Variants in ATP5F1B observed in about 807,000 individuals in gnomAD.
The protein encoded by ATP5F1B is ATP synthase F1 subunit beta, also known as ATP synthase F(1) complex subunit beta, mitochondrial.
Under a neutral mutation model 45.9 loss-of-function variants are expected in ATP5F1B, and 17 were observed. The observed-to-expected ratio is 0.37, with a 90% CI of 0.25 to 0.56. The LOEUF is 0.56. Among genes scored for constraint, ATP5F1B ranks in the 20% least tolerant of loss-of-function variants. ATP5F1B has a pLI of 0.80. For synonymous variants in ATP5F1B, 218 were observed against 256.5 expected (o/e 0.85, Z 1.43); for missense variants, 387 against 673.2 (o/e 0.57, Z 4.70).
At chr12:56,644,385 GGA>G (rs887909605) in intron 3 of ATP5F1B, among the ~76,000 whole-genome samples, 6 of 119,890 alleles carry the variant, frequency 5.0e-5, no homozygotes, top group Non-Finnish European at 6.8e-5. Context: ...AGGTGGGGGG[GGA>G]ATCACCCAAA....
rs1246413845 is a variant in ATP5F1B at position 56,639,216 on chromosome 12, AT to A, written c.1378del (p.Ile460TyrfsTer25). The A allele has an allele frequency of 1.2e-6, 2 of 1,614,140 alleles. No individual in the cohort carries two copies. The highest frequency in any genetic ancestry group is 1.7e-6 in the Non-Finnish European group (2 of 1,180,040). ...GAATGGCTGAGACAAGAAACGCTGT[AT>A]TTTCCGTGCACGGGACACGGTCAAC... ...DKLTVSRARK[I>X]QRFLSQPFQV... On this transcript the variant is annotated frameshift_variant, in exon 9 of 10. Coordinates refer to ENST00000262030, the MANE Select transcript of ATP5F1B (RefSeq NM_001686.4). LOFTEE classifies it high-confidence loss of function.
chr12:56,639,729 C>T (rs569105057), intron 8 of ATP5F1B, among the ~76,000 whole-genome samples: 17 of 151,114 alleles, frequency 1.1e-4, no homozygotes, highest in African/African-American at 4.1e-4. Flanking sequence ...CGAGATGGCA[C>T]CACTGCACTC....
At chr12:56,645,531 C>G (rs1005819048) in intron 1 of ATP5F1B, among the ~76,000 whole-genome samples, 178 bp from the exon 2 acceptor site, 3 of 152,174 alleles carry the variant, frequency 2.0e-5, no homozygotes, top group Admixed American at 6.5e-5. Flanking sequence ...CCTGCACAGC[C>G]TTCCCATCCG....
chr12:56,643,133 C>T, intron 5 of ATP5F1B: 1 of 482,382 alleles, frequency 2.1e-6, no homozygotes, highest in Middle Eastern at 5.5e-4. Context: ...AATTAGCTTT[C>T]AAATGATGGG....
intron 5 of ATP5F1B, 63 bp downstream of exon 5, chr12:56,643,340 C>A: frequency 7.2e-7 from 1 of 1,393,710 alleles, no homozygotes; most frequent in South Asian, 1.5e-5. Context: ...TAGAACATGG[C>A]TTCAGTTGGC....
In ATP5F1B at chr12:56,642,077, A is replaced by G. The variant is rs570664006; in HGVS notation, c.1074+381T>C. 2.0e-5 allele frequency among the ~76,000 whole-genome samples: 3 copies of G among 151,278 alleles called. No individual in the cohort carries two copies. The South Asian group carries it at 6.3e-4, about 32-fold the overall frequency. ...AGTGCCCCAATCTTGGCTCATTGCAACCTCTGCCTCCCGGATTCAAGCGAT... is the reference window on the plus strand; with the variant it reads ...AGTGCCCCAATCTTGGCTCATTGCAGCCTCTGCCTCCCGGATTCAAGCGAT... On this transcript the variant is annotated intron_variant, in intron 7 of 9. Transcript: ENST00000262030.
chr12:56,641,791 TC>T (rs1313429237), intron 7 of ATP5F1B, among the ~76,000 whole-genome samples: 1 of 152,060 alleles, frequency 6.6e-6, no homozygotes, highest in Non-Finnish European at 1.5e-5. Flanking sequence ...GACCTCATGA[TC>T]CGCCTGCCTT....
chr12:56,642,327 A>G, intron 7 of ATP5F1B, 131 bp downstream of exon 7: 1 of 1,321,600 alleles, frequency 7.6e-7, no homozygotes, highest in Non-Finnish European at 1.0e-6. Flanking sequence ...CTACATACAT[A>G]CAGCTTTGTT....
rs1951537261 is a variant in ATP5F1B, at chr12:56,644,650, T to C, written c.485+131A>G. The C allele has an allele frequency of 1.6e-5, 16 of 986,174 alleles. No homozygotes were observed. In the South Asian group the frequency reaches 2.8e-4, roughly 17 times the overall value. 61.1% of individuals were successfully genotyped at this position (986,174 alleles called of 1,614,324 possible). A position where few individuals can be genotyped will look rare whatever the true frequency, so the allele number is the denominator to read the frequency against. On this transcript the variant is annotated intron_variant, in intron 3 of 9. Coordinates refer to ENST00000262030, the MANE Select transcript of ATP5F1B (RefSeq NM_001686.4). ...GCATCCTAATTTCTTCAGGTGAAAC[T>C]GCACTGTGTGATTTTAATAATCGAA...
chr12:56,645,729 G>A, intron 1 of ATP5F1B, 108 bp downstream of exon 1: 4 of 1,534,042 alleles, frequency 2.6e-6, no homozygotes, highest in Admixed American at 2.0e-5. Flanking sequence ...GCGGCTCCAG[G>A]CATCCTTTTA....
At position 56,638,438 on chromosome 12, in the gene ATP5F1B, A is replaced by C. The variant is rs1592643213; in HGVS notation, c.1490-15T>G. ...GTCATATTCACCTGTATGATGGGGG[A>C]GAAAAAAAAAAAGAGTAAGAAGCGG... is the stretch of plus-strand genomic sequence containing the variant. On this transcript the variant is annotated splice_polypyrimidine_tract_variant and intron_variant, in intron 9 of 9. Transcript: ENST00000262030. 6.4e-7 allele frequency: 1 copy of C among 1,562,002 alleles called. No homozygotes were observed. The highest frequency in any genetic ancestry group is 8.8e-7 in the Non-Finnish European group (1 of 1,139,668).
chr12:56,645,878 G>C lies in ATP5F1B; in HGVS notation c.86C>G (p.Ala29Gly), dbSNP rs749478722. The change falls in exon 1 of 10, where the codon GCT (alanine) becomes GGT (glycine). Residue 29 changes from alanine to glycine, a missense_variant. Transcript: ENST00000262030. Reference sequence around the variant, plus strand: ...CGGAGCGGCCCGCAGTAAGAGCTGAGCTGGGGGCAGCGACGCTGAAGGGGT... The same window carrying C: ...CGGAGCGGCCCGCAGTAAGAGCTGACCTGGGGGCAGCGACGCTGAAGGGGT... ...RLTPSASLPP[A>G]QLLLRAAPTA... 1 of 1,608,762 alleles carries C rather than the reference G, an allele frequency of 6.2e-7. No homozygotes were observed. The highest frequency in any genetic ancestry group is 8.5e-7 in the Non-Finnish European group (1 of 1,177,848).
chr12:56,643,586 C>T lies in ATP5F1B; in HGVS notation c.609G>A (p.Gly203=), dbSNP rs765653940. ...TGCCAACTCCAGCACCACCAAAAAG[C>T]CCTATAAGAGGTTGAAAAGAAAGAA... ...LAPYAKGGKI[G]LFGGAGVGKT... Residue 203 remains glycine (G), a splice_region_variant and synonymous_variant, in exon 5 of 10, where the codon GGG becomes GGA. Coordinates refer to ENST00000262030, the MANE Select transcript of ATP5F1B (RefSeq NM_001686.4). 6.2e-7 allele frequency: 1 copy of T among 1,613,972 alleles called. No individual in the cohort carries two copies. Among genetic ancestry groups the T allele is most frequent in the South Asian group, 1.1e-5 (1 of 91,060 alleles).
chr12:56,643,776 C>T (rs757390728), intron 4 of ATP5F1B, 61 bp downstream of exon 4: 1 of 1,595,128 alleles, frequency 6.3e-7, no homozygotes, highest in Admixed American at 1.7e-5. Flanking sequence ...CCACTCATAA[C>T]ATTGTATGAG....
At chr12:56,642,854 T>A in intron 5 of ATP5F1B, 23 bp from the exon 6 acceptor site, 1 of 1,613,174 alleles carries the variant, frequency 6.2e-7, no homozygotes, top group Non-Finnish European at 8.5e-7. Context: ...TACATAATCG[T>A]AAAACCTGAC....
In ATP5F1B at chr12:56,642,605, G is replaced by A. The variant is rs371608577; in HGVS notation, c.952-25C>T. The A allele has an allele frequency of 7.4e-6, 12 of 1,613,982 alleles. No homozygotes were observed. The African/African-American group carries it at 1.3e-4, about 18-fold the overall frequency. On this transcript the variant is annotated intron_variant, in intron 6 of 9. Coordinates refer to ENST00000262030, the MANE Select transcript of ATP5F1B (RefSeq NM_001686.4). ...CCTAAAAGAAAAAAAGGTCTTAGGTGTCTACATCCTTAGCCTCATCCGAAG... is the reference window on the plus strand; with the variant it reads ...CCTAAAAGAAAAAAAGGTCTTAGGTATCTACATCCTTAGCCTCATCCGAAG...
intron 5 of ATP5F1B, 154 bp from the exon 6 acceptor site, chr12:56,642,985 C>CAA (rs568255847): frequency 1.6e-5 from 10 of 611,246 alleles, no homozygotes; most frequent in African/African-American, 6.0e-5. Flanking sequence ...AGATGCAGTT[C>CAA]AAAAAAAAAA....
chr12:56,643,733 A>C (rs1951530248), intron 4 of ATP5F1B, 104 bp downstream of exon 4: 1 of 1,578,110 alleles, frequency 6.3e-7, no homozygotes, highest in Admixed American at 1.7e-5. Context: ...GAAAGTCAGA[A>C]CGTACTCATC....
intron 8 of ATP5F1B, 66 bp from the exon 9 acceptor site, chr12:56,639,373 G>C: frequency 1.3e-6 from 2 of 1,482,868 alleles, no homozygotes; most frequent in Non-Finnish European, 1.9e-6. Context: ...CTAACAAAGG[G>C]AAAGTTACAT....
Sources: allele counts gnomAD v4.1 joint callset (sites outside exome capture counted in the v4.1 genomes callset), GRCh38; gene constraint gnomAD v4.1.1; transcripts MANE v1.5; gene names NCBI Gene and HGNC (gene_info 2026-07-23, HGNC 2026-07-21).